KCNMA1: variants seen among roughly 807,000 people sequenced by gnomAD.
KCNMA1 encodes Calcium-activated potassium channel subunit alpha-1.
KCNMA1 carries 29 observed loss-of-function variants against 140.0 expected under a neutral mutation model. The observed-to-expected ratio is 0.21, with a 90% CI of 0.15 to 0.28. The LOEUF (loss-of-function observed/expected upper bound fraction) is 0.28, where lower values mean the gene tolerates loss of function less well. Ranked by LOEUF, KCNMA1 falls within the 10% of genes least tolerant of loss-of-function variation. The pLI is 1.00. For missense variants in KCNMA1, 880 were observed against 1,602.2 expected (o/e 0.55, Z 7.70); for synonymous variants, 612 against 611.9 (o/e 1.00, Z 0.00).
exon 28 of KCNMA1, chr10:76,871,990 G>A (rs187190255): frequency 6.6e-6 from 1 of 152,116 alleles, no homozygotes; most frequent in Non-Finnish European, 1.5e-5. Context: ...AGTGCTAATT[G>A]GTTTCTAAAC....
At chr10:77,098,984 T>C (rs1310922026) in intron 9 of KCNMA1, among the ~76,000 whole-genome samples, 2 of 152,108 alleles carry the variant, frequency 1.3e-5, no homozygotes, top group Non-Finnish European at 1.5e-5. Flanking sequence ...TGCTAGATGG[T>C]TCTCTGCTCT....
At chr10:76,920,020 G>GTGTGTGTGTGTGTATATATA (rs1177257916) in intron 23 of KCNMA1, among the ~76,000 whole-genome samples, 39 of 34,408 alleles carry the variant, frequency 1.1e-3, no homozygotes, top group African/African-American at 4.1e-3. Context: ...GTGTGTGTGT[G>GTGTGTGTGTGTGTATATATA]TATATATATA....
chr10:77,251,100 T>C (rs1410560048), intron 3 of KCNMA1, 95 bp downstream of exon 3: 1 of 977,208 alleles, frequency 1.0e-6, no homozygotes. Context: ...TCAGAAGGTC[T>C]TGCAAAGGTT....
intron 2 of KCNMA1, among the ~76,000 whole-genome samples, chr10:77,258,554 G>T (rs1365515792): frequency 3.3e-5 from 5 of 152,172 alleles, no homozygotes; most frequent in South Asian, 4.1e-4. Context: ...CAGAAGCTCA[G>T]ACTGAGTCTC....
intron 1 of KCNMA1, among the ~76,000 whole-genome samples, chr10:77,429,577 G>A (rs2097103869): frequency 6.6e-6 from 1 of 152,120 alleles, no homozygotes; most frequent in Non-Finnish European, 1.5e-5. Context: ...GGTCAACTAA[G>A]TTTGAGAATC....
Position 77,222,436 on chromosome 10 carries a change from A to G in KCNMA1, c.602+28759T>C, listed in dbSNP as rs542318280. Among the ~76,000 whole-genome samples the G allele has an allele frequency of 9.9e-4, 151 of 152,346 alleles. 1 individual carries two copies. The highest frequency in any genetic ancestry group is 3.4e-3 in the African/African-American group (141 of 41,580). ...CAAAGCCTAAACATTTCAATCATGT[A>G]CAATGTGAAGTTGCACCACAGTAAG... On this transcript the variant is annotated intron_variant, in intron 3 of 27. Coordinates refer to ENST00000286628, the MANE Select transcript of KCNMA1 (RefSeq NM_001161352.2).
chr10:77,105,395 T>C lies in KCNMA1; in HGVS notation c.1223+3086A>G, dbSNP rs554871292. Among the ~76,000 whole-genome samples, 9 of 152,360 alleles carry C rather than the reference T, an allele frequency of 5.9e-5. No homozygotes were observed. In the East Asian group the frequency reaches 1.5e-3, roughly 26 times the overall value. ...GTGTTGTACAAACAAAACCCTGATC[T>C]TCTCTGCCTAAATTTTGTACTTTAA... On this transcript the variant is annotated intron_variant, in intron 9 of 27. Coordinates refer to ENST00000286628, the MANE Select transcript of KCNMA1 (RefSeq NM_001161352.2).
intron 22 of KCNMA1, among the ~76,000 whole-genome samples, chr10:76,945,780 T>TA (rs1448304368): frequency 5.6e-5 from 8 of 143,228 alleles, no homozygotes; most frequent in African/African-American, 1.9e-4. Context: ...CTACAGCAGT[T>TA]AAAAAAAAGT....
At chr10:77,064,238 A>C (rs1036233401) in intron 14 of KCNMA1, 6 of 358,822 alleles carry the variant, frequency 1.7e-5, no homozygotes, top group African/African-American at 1.3e-4. Context: ...AGTTTACACA[A>C]ATCATTTTGC....
chr10:76,891,423 A>T, intron 26 of KCNMA1, 102 bp downstream of exon 26: 1 of 854,358 alleles, frequency 1.2e-6, no homozygotes, highest in South Asian at 1.4e-5. Context: ...AATAGGAAGG[A>T]GAAAAGCCAG....
chr10:77,405,311 T>C (rs1026592049), intron 1 of KCNMA1, among the ~76,000 whole-genome samples: 1 of 152,252 alleles, frequency 6.6e-6, no homozygotes, highest in Non-Finnish European at 1.5e-5. Context: ...AAACCGCTAA[T>C]ATACTTAATA....
intron 22 of KCNMA1, among the ~76,000 whole-genome samples, chr10:76,945,579 T>C (rs558690973): frequency 3.3e-5 from 5 of 152,160 alleles, no homozygotes; most frequent in Non-Finnish European, 7.3e-5. Flanking sequence ...TATAATTTTA[T>C]TGCATATTTT....
intron 23 of KCNMA1, among the ~76,000 whole-genome samples, chr10:76,943,224 C>T (rs118097470): frequency 1.3e-5 from 2 of 152,360 alleles, no homozygotes; most frequent in East Asian, 3.9e-4. Context: ...CTTCAGGATG[C>T]AGCTGGGAGT....
intron 9 of KCNMA1, among the ~76,000 whole-genome samples, chr10:77,095,093 C>A (rs963372964): frequency 6.6e-5 from 10 of 152,200 alleles, no homozygotes; most frequent in Admixed American, 5.9e-4. Context: ...GATCCATTTA[C>A]AATGGGGAAT....
chr10:77,594,258 G>A (rs998511265), intron 1 of KCNMA1, among the ~76,000 whole-genome samples: 2 of 152,086 alleles, frequency 1.3e-5, no homozygotes, highest in African/African-American at 4.8e-5. Flanking sequence ...CTCACCATTC[G>A]GTTGCAATTT....
chr10:76,969,510 G>T (rs1460678301), intron 20 of KCNMA1, among the ~76,000 whole-genome samples: 1 of 152,306 alleles, frequency 6.6e-6, no homozygotes, highest in African/African-American at 2.4e-5. Flanking sequence ...ATAAAAGGAA[G>T]GTAATCTTCA....
At position 77,118,064 on chromosome 10, in the gene KCNMA1, A is replaced by C. The variant is rs559170815; in HGVS notation, c.884+2909T>G. On this transcript the variant is annotated intron_variant, in intron 6 of 27. Coordinates refer to ENST00000286628, the MANE Select transcript of KCNMA1 (RefSeq NM_001161352.2). The stretch of plus-strand genomic sequence containing the variant: ...GCAGCCAAAGTACTGGAAATGAAAC[A>C]GCAACTCCAAATCATTATTTCAAAT... Among the ~76,000 whole-genome samples the C allele has an allele frequency of 8.1e-3, 1,230 of 152,358 alleles. 8 individuals carry two copies. The highest frequency in any genetic ancestry group is 0.013 in the Non-Finnish European group (870 of 68,034).
chr10:77,273,038 T>C (rs556520385), intron 2 of KCNMA1, among the ~76,000 whole-genome samples: 1 of 152,292 alleles, frequency 6.6e-6, no homozygotes, highest in Admixed American at 6.5e-5. Flanking sequence ...CAAGATACAT[T>C]CCCTAAAGCA....
intron 3 of KCNMA1, among the ~76,000 whole-genome samples, chr10:77,210,706 T>G (rs2154173116): frequency 6.6e-6 from 1 of 152,332 alleles, no homozygotes; most frequent in East Asian, 1.9e-4. Context: ...GATCAATGAT[T>G]TTAGCAAGGT....
Sources: allele counts gnomAD v4.1 joint callset (sites outside exome capture counted in the v4.1 genomes callset), GRCh38; gene constraint gnomAD v4.1.1; transcripts MANE v1.5; gene names NCBI Gene and HGNC (gene_info 2026-07-23, HGNC 2026-07-21).